CSMD3: variants seen among roughly 807,000 people sequenced by gnomAD.
The protein encoded by CSMD3 is CUB and sushi domain-containing protein 3.
In CSMD3, 177 loss-of-function variants were observed where a neutral mutation model predicts 435.2. That is an observed-to-expected ratio of 0.41 (90% CI 0.36 to 0.46). The LOEUF (loss-of-function observed/expected upper bound fraction) is 0.46. CSMD3 is among the 20% of genes least tolerant of loss of function. The pLI is 0.34. For missense variants in CSMD3, 4,265 were observed against 4,504.6 expected, an observed-to-expected ratio of 0.95 and a Z score of 1.52; for synonymous variants, 1,656 against 1,520.5, an observed-to-expected ratio of 1.09 and a Z score of -2.07.
chr8:112,829,885 GCACA>G (rs57982384), intron 11 of CSMD3, 96 bp from the exon 12 acceptor site: 58,254 of 594,922 alleles, frequency 0.098, 1,166 homozygotes, highest in Middle Eastern at 0.17. Flanking sequence ...TTGTCTCTCT[GCACA>G]CACACACACA....
intron 24 of CSMD3, among the ~76,000 whole-genome samples, chr8:112,565,356 T>C (rs1206915929): frequency 6.6e-6 from 1 of 152,122 alleles, no homozygotes; most frequent in Non-Finnish European, 1.5e-5. Context: ...GTAGAGTTAA[T>C]AAGTCATCTG....
intron 1 of CSMD3, among the ~76,000 whole-genome samples, chr8:113,374,941 TGTAA>T (rs1014915285): frequency 8.6e-5 from 13 of 151,944 alleles, no homozygotes; most frequent in African/African-American, 2.2e-4. Context: ...CACTTATCAT[TGTAA>T]GTGTTTGTTT....
intron 4 of CSMD3, among the ~76,000 whole-genome samples, chr8:113,138,483 T>C (rs1395985047): frequency 6.6e-6 from 1 of 151,438 alleles, no homozygotes; most frequent in East Asian, 1.9e-4. Context: ...TAGAGGTTAA[T>C]TCCAATGCTA....
intron 45 of CSMD3, among the ~76,000 whole-genome samples, chr8:112,324,125 C>A (rs1445654124): frequency 6.6e-6 from 1 of 151,990 alleles, no homozygotes; most frequent in Non-Finnish European, 1.5e-5. Flanking sequence ...TTAGATAAAG[C>A]AAGATCATTA....
At chr8:112,834,703 T>C (rs978480207) in intron 11 of CSMD3, among the ~76,000 whole-genome samples, 2 of 151,666 alleles carry the variant, frequency 1.3e-5, no homozygotes, top group Non-Finnish European at 3.0e-5. Flanking sequence ...AAAGTTAATA[T>C]AAAAAATCAA....
At chr8:113,367,192 T>A (rs1165408910) in intron 1 of CSMD3, among the ~76,000 whole-genome samples, 1 of 151,892 alleles carries the variant, frequency 6.6e-6, no homozygotes, top group African/African-American at 2.4e-5. Flanking sequence ...TGCTATCAAA[T>A]TTCCAACACA....
chr8:113,386,096 T>C (rs768782870), intron 1 of CSMD3, among the ~76,000 whole-genome samples: 1 of 152,024 alleles, frequency 6.6e-6, no homozygotes, highest in Non-Finnish European at 1.5e-5. Context: ...AGTTGCAGTT[T>C]AAGAAATATT....
At chr8:113,009,936 G>A (rs1466975251) in intron 6 of CSMD3, among the ~76,000 whole-genome samples, 1 of 151,678 alleles carries the variant, frequency 6.6e-6, no homozygotes, top group Non-Finnish European at 1.5e-5. Flanking sequence ...TATACATACA[G>A]TAGCAATGAA....
chr8:113,276,634 G>A lies in CSMD3; in HGVS notation c.514+1958C>T, dbSNP rs183721241. Among the ~76,000 whole-genome samples, 82 of 152,102 alleles carry A rather than the reference G, an allele frequency of 5.4e-4. No individual in the cohort carries two copies. In the East Asian group the frequency reaches 0.014, roughly 25 times the overall value. Reference sequence around the variant, plus strand: ...CCAGCCCACTGAAATTTTTATTTTAGCCTTGTGGGACTCCAAACAGAGAAA... The same window carrying A: ...CCAGCCCACTGAAATTTTTATTTTAACCTTGTGGGACTCCAAACAGAGAAA... On this transcript the variant is annotated intron_variant, in intron 3 of 70. Transcript: ENST00000297405.
At chr8:112,815,908 C>A (rs542193718) in intron 12 of CSMD3, among the ~76,000 whole-genome samples, 13 of 152,162 alleles carry the variant, frequency 8.5e-5, no homozygotes, top group Non-Finnish European at 1.6e-4. Flanking sequence ...TAAAGTAATT[C>A]TGCGTTCCAA....
chr8:112,497,231 A>G (rs1051017401), intron 30 of CSMD3, among the ~76,000 whole-genome samples: 1 of 152,112 alleles, frequency 6.6e-6, no homozygotes, highest in African/African-American at 2.4e-5. Context: ...AGGGGTGGGA[A>G]GTGGGGACAG....
At chr8:112,329,660 A>C (rs1268145981) in intron 45 of CSMD3, among the ~76,000 whole-genome samples, 3 of 152,154 alleles carry the variant, frequency 2.0e-5, no homozygotes, top group Admixed American at 6.6e-5. Context: ...TGTTTAACAG[A>C]AGTTGTGTTC....
rs1178875110 is a variant in CSMD3 at position 113,040,113 on chromosome 8, G to A, written c.918-20934C>T. ...ATGGTTAGAGGTCTGAGAAAGACCT[G>A]TCTGATAATGGTCCTATTAGCAGAG... On this transcript the variant is annotated intron_variant, in intron 5 of 70. Coordinates refer to ENST00000297405, the MANE Select transcript of CSMD3 (RefSeq NM_198123.2). Among the ~76,000 whole-genome samples, 5 of 152,320 alleles carry A rather than the reference G, an allele frequency of 3.3e-5. No individual in the cohort carries two copies. The East Asian group carries it at 7.7e-4, about 24-fold the overall frequency.
chr8:112,521,447 T>C (rs1407920881), intron 27 of CSMD3, among the ~76,000 whole-genome samples: 1 of 151,992 alleles, frequency 6.6e-6, no homozygotes, highest in Non-Finnish European at 1.5e-5. Context: ...TTTGTTGTTT[T>C]GTTTTTTGGC....
rs141804533 is a variant in CSMD3 at position 112,538,550 on chromosome 8, C to T, written c.4564+12121G>A. On this transcript the variant is annotated intron_variant, in intron 27 of 70. Coordinates refer to ENST00000297405, the MANE Select transcript of CSMD3 (RefSeq NM_198123.2). ...CAAAACTCAGTAGCATTTTTATATA[C>T]GAATAACAAACCATCTGAAAAAAAA... is the stretch of plus-strand genomic sequence containing the variant. Among the ~76,000 whole-genome samples the T allele has an allele frequency of 4.3e-3, 645 of 151,560 alleles. 1 individual carries two copies. Among genetic ancestry groups the T allele is most frequent in the African/African-American group, 0.015 (621 of 41,318 alleles).
chr8:112,416,766 G>A (rs527442918), intron 32 of CSMD3, among the ~76,000 whole-genome samples: 5 of 151,768 alleles, frequency 3.3e-5, no homozygotes, highest in African/African-American at 1.2e-4. Flanking sequence ...TTCTCAGAGG[G>A]GAATAATTCT....
At chr8:113,270,940 C>T (rs555352358) in intron 3 of CSMD3, among the ~76,000 whole-genome samples, 1 of 150,744 alleles carries the variant, frequency 6.6e-6, no homozygotes, top group Non-Finnish European at 1.5e-5. Context: ...CAAACTTGCA[C>T]GTTGTGCACA....
At chr8:113,142,183 T>C (rs909559805) in intron 4 of CSMD3, among the ~76,000 whole-genome samples, 3 of 151,184 alleles carry the variant, frequency 2.0e-5, no homozygotes, top group Non-Finnish European at 3.0e-5. Flanking sequence ...AATAAAGATG[T>C]CAATTTTTTC....
At chr8:113,055,281 C>A (rs2088274128) in intron 5 of CSMD3, among the ~76,000 whole-genome samples, 1 of 152,130 alleles carries the variant, frequency 6.6e-6, no homozygotes, top group South Asian at 2.1e-4. Context: ...TCCTGAGTAG[C>A]TGGGATTACA....
Sources: allele counts gnomAD v4.1 joint callset (sites outside exome capture counted in the v4.1 genomes callset), GRCh38; gene constraint gnomAD v4.1.1; transcripts MANE v1.5; gene names NCBI Gene and HGNC (gene_info 2026-07-23, HGNC 2026-07-21).